The following VTI1A variants were observed in gnomAD, a reference collection of about 807,000 sequenced individuals.
The protein encoded by VTI1A is vesicle transport through interaction with t-SNAREs 1A, also known as vesicle transport through interaction with t-SNAREs homolog 1A.
A neutral mutation model predicts 34.9 loss-of-function variants in VTI1A; 22 were observed. That is an observed-to-expected ratio of 0.63 (90% CI 0.45 to 0.90). The LOEUF is 0.90. VTI1A is among the 40% of genes least tolerant of loss of function. The pLI is 0.00. For synonymous variants in VTI1A, 87 were observed against 97.3 expected, an observed-to-expected ratio of 0.89 and a Z score of 0.62; for missense variants, 268 against 275.6, an observed-to-expected ratio of 0.97 and a Z score of 0.20.
intron 5 of VTI1A, 43 bp downstream of exon 5, chr10:112,538,373 G>A: frequency 6.4e-7 from 1 of 1,559,196 alleles, no homozygotes; most frequent in East Asian, 2.2e-5. Flanking sequence ...CTTATGCACA[G>A]CAGTCTTCAC....
At chr10:112,577,802 T>C (rs1843768144) in intron 5 of VTI1A, among the ~76,000 whole-genome samples, 1 of 152,178 alleles carries the variant, frequency 6.6e-6, no homozygotes, top group Non-Finnish European at 1.5e-5. Context: ...CATATGTACG[T>C]GGTTAAATCA....
chr10:112,720,878 T>C (rs893922138), intron 7 of VTI1A, among the ~76,000 whole-genome samples: 11 of 152,116 alleles, frequency 7.2e-5, no homozygotes, highest in African/African-American at 2.7e-4. Context: ...GAGTTGGAAT[T>C]GTATCCAGGT....
intron 5 of VTI1A, among the ~76,000 whole-genome samples, chr10:112,651,654 GA>G (rs1483095401): frequency 6.6e-6 from 1 of 152,152 alleles, no homozygotes; most frequent in Non-Finnish European, 1.5e-5. Context: ...TTTTTTAGCT[GA>G]AACTGATGTC....
chr10:112,547,771 GA>G (rs2134285603), intron 5 of VTI1A, among the ~76,000 whole-genome samples: 2 of 152,130 alleles, frequency 1.3e-5, no homozygotes, highest in Non-Finnish European at 2.9e-5. Flanking sequence ...TTTTCTTTTA[GA>G]AAATAAATTA....
chr10:112,842,604 G>C, the VTI1A span, among the ~76,000 whole-genome samples: 1 of 152,170 alleles, frequency 6.6e-6, no homozygotes, highest in Non-Finnish European at 1.5e-5. Context: ...AGCTGTTTCT[G>C]TATAAAGGTC....
At chr10:112,598,667 C>T (rs2134461631) in intron 5 of VTI1A, among the ~76,000 whole-genome samples, 1 of 152,278 alleles carries the variant, frequency 6.6e-6, no homozygotes, top group South Asian at 2.1e-4. Flanking sequence ...ACATCAAAGA[C>T]CCAAATAATG....
chr10:112,682,288 A>G (rs960577846), intron 7 of VTI1A, among the ~76,000 whole-genome samples: 51 of 152,188 alleles, frequency 3.4e-4, no homozygotes, highest in Non-Finnish European at 2.9e-4. Context: ...TTTTTTAAAT[A>G]AAACATTATT....
At chr10:112,840,315 G>C in the VTI1A span, among the ~76,000 whole-genome samples, 11 of 152,156 alleles carry the variant, frequency 7.2e-5, no homozygotes, top group Non-Finnish European at 1.3e-4. Flanking sequence ...ACCCCAACCA[G>C]TTAGATAGGA....
chr10:112,449,428 A>G (rs1345788084), intron 1 of VTI1A: 4 of 152,322 alleles, frequency 2.6e-5, no homozygotes, highest in African/African-American at 9.6e-5. Context: ...TTCTTAACAC[A>G]TAGAAGGAAA....
At chr10:112,567,642 C>T (rs1352027443) in intron 5 of VTI1A, among the ~76,000 whole-genome samples, 1 of 152,100 alleles carries the variant, frequency 6.6e-6, no homozygotes, top group Non-Finnish European at 1.5e-5. Flanking sequence ...TCTTTTTTAG[C>T]TAAAACTATG....
intron 5 of VTI1A, among the ~76,000 whole-genome samples, chr10:112,584,092 C>T (rs369280020): frequency 6.6e-6 from 1 of 152,134 alleles, no homozygotes; most frequent in Non-Finnish European, 1.5e-5. Flanking sequence ...ATTTGTTTAG[C>T]ATCTACAATA....
At chr10:112,564,114 A>G (rs1004876571) in intron 5 of VTI1A, among the ~76,000 whole-genome samples, 10 of 151,976 alleles carry the variant, frequency 6.6e-5, no homozygotes, top group Admixed American at 3.3e-4. Context: ...CACCCTGAAA[A>G]TAGTTTTTTT....
chr10:112,679,510 T>C (rs1848145794), intron 7 of VTI1A, among the ~76,000 whole-genome samples: 1 of 151,972 alleles, frequency 6.6e-6, no homozygotes, highest in Non-Finnish European at 1.5e-5. Flanking sequence ...TTTTTTAACC[T>C]CAGTGTTCTT....
At chr10:112,686,411 G>A (rs1218227639) in intron 7 of VTI1A, among the ~76,000 whole-genome samples, 1 of 152,140 alleles carries the variant, frequency 6.6e-6, no homozygotes, top group Non-Finnish European at 1.5e-5. Flanking sequence ...TTGTAAACTG[G>A]AAGCTGAGTG....
intron 7 of VTI1A, among the ~76,000 whole-genome samples, chr10:112,705,942 T>G (rs1324850189): frequency 6.6e-6 from 1 of 152,174 alleles, no homozygotes; most frequent in Non-Finnish European, 1.5e-5. Context: ...AAAAAAATTC[T>G]TTTGTCGTTG....
intron 7 of VTI1A, among the ~76,000 whole-genome samples, chr10:112,770,307 A>T (rs774246507): frequency 1.4e-4 from 22 of 152,212 alleles, no homozygotes; most frequent in Non-Finnish European, 3.1e-4. Flanking sequence ...AAACTCATGT[A>T]GTCTGTATGC....
chr10:112,679,669 G>A (rs902519685), intron 7 of VTI1A, among the ~76,000 whole-genome samples: 3 of 151,932 alleles, frequency 2.0e-5, no homozygotes, highest in African/African-American at 4.8e-5. Flanking sequence ...AAAACAAACA[G>A]CACCTTAGTT....
rs190285176 is a variant in VTI1A at position 112,460,015 on chromosome 10, C to T, written c.95-509C>T. 4.1e-4 allele frequency among the ~76,000 whole-genome samples: 63 copies of T among 152,260 alleles called. 1 individual carries two copies. Among genetic ancestry groups the T allele is most frequent in the Admixed American group, 3.1e-3 (48 of 15,306 alleles). The stretch of plus-strand genomic sequence containing the variant: ...AACCATTGAGTGAGATAGTAGCTTT[C>T]GGTTTGGAATCAGTAGTCCTAACTT... On this transcript the variant is annotated intron_variant, in intron 1 of 7. Transcript: ENST00000393077.
At chr10:112,529,111 A>C (rs1353971693) in intron 4 of VTI1A, among the ~76,000 whole-genome samples, 4 of 152,152 alleles carry the variant, frequency 2.6e-5, no homozygotes, top group Non-Finnish European at 2.9e-5. Flanking sequence ...GAGAACCTGA[A>C]GTTTACATGT....
Sources: allele counts gnomAD v4.1 joint callset (sites outside exome capture counted in the v4.1 genomes callset), GRCh38; gene constraint gnomAD v4.1.1; transcripts MANE v1.5; gene names NCBI Gene and HGNC (gene_info 2026-07-23, HGNC 2026-07-21).